Variants in WASF1 observed in about 807,000 individuals in gnomAD.
WASF1 encodes the protein WASP family member 1.
A neutral mutation model predicts 50.5 loss-of-function variants in WASF1; 7 were observed. The ratio of observed to expected loss-of-function variants is 0.14; its 90% CI spans 0.08 to 0.26. The LOEUF is 0.26. Among genes scored for constraint, WASF1 ranks in the 10% least tolerant of loss-of-function variants. The pLI is 1.00. For synonymous variants in WASF1, 205 were observed against 244.0 expected (o/e 0.84, Z 1.49); for missense variants, 470 against 694.7 (o/e 0.68, Z 3.64).
chr6:110,122,726 C>A (rs1366293477), intron 4 of WASF1, among the ~76,000 whole-genome samples: 1 of 151,934 alleles, frequency 6.6e-6, no homozygotes, highest in Admixed American at 6.6e-5. Flanking sequence ...ATACAGTATA[C>A]TACTACACAT....
chr6:110,170,034 A>G (rs1013484825), intron 2 of WASF1, among the ~76,000 whole-genome samples: 7 of 152,170 alleles, frequency 4.6e-5, no homozygotes, highest in African/African-American at 1.7e-4. Flanking sequence ...CTTTACCTAT[A>G]GAGGGACAAG....
chr6:110,124,290 A>C (rs1343460086), intron 4 of WASF1, among the ~76,000 whole-genome samples: 15 of 101,738 alleles, frequency 1.5e-4, no homozygotes, highest in South Asian at 6.8e-4. Flanking sequence ...ATATATATAT[A>C]TATATATATA....
intron 3 of WASF1, among the ~76,000 whole-genome samples, chr6:110,157,604 C>T (rs772847796): frequency 0.011 from 259 of 23,710 alleles, 1 homozygote; most frequent in Middle Eastern, 0.012. Context: ...TGAATAGGAG[C>T]GGTGAGAGAG....
intron 2 of WASF1, among the ~76,000 whole-genome samples, chr6:110,170,468 C>T (rs1156382863): frequency 6.6e-6 from 1 of 152,100 alleles, no homozygotes; most frequent in Non-Finnish European, 1.5e-5. Flanking sequence ...AAGTGATTGG[C>T]CTGACTCAGC....
chr6:110,117,549 A>C (rs1484365036), intron 4 of WASF1, among the ~76,000 whole-genome samples: 3 of 152,234 alleles, frequency 2.0e-5, no homozygotes, highest in Non-Finnish European at 2.9e-5. Flanking sequence ...GGTGTACCAG[A>C]AAGTGATGGG....
chr6:110,134,942 T>C lies in WASF1; in HGVS notation c.-28-7313A>G, dbSNP rs569838833. ...GTATTTTGATGGAAATTGCATTTTGTAGATTGCTTTTGGCAGTATGGTCAT... is the reference window on the plus strand; with the variant it reads ...GTATTTTGATGGAAATTGCATTTTGCAGATTGCTTTTGGCAGTATGGTCAT... On this transcript the variant is annotated intron_variant, in intron 3 of 10. Coordinates refer to ENST00000392589, the MANE Select transcript of WASF1 (RefSeq NM_003931.3). Among the ~76,000 whole-genome samples, 3 of 152,308 alleles carry C rather than the reference T, an allele frequency of 2.0e-5. No homozygotes were observed. In the East Asian group the frequency reaches 5.8e-4, roughly 29 times the overall value.
At chr6:110,128,578 G>C (rs76731695) in intron 3 of WASF1, among the ~76,000 whole-genome samples, 11,122 of 152,216 alleles carry the variant, frequency 0.073, 550 homozygotes, top group African/African-American at 0.14. Flanking sequence ...TGCATGCTTC[G>C]CATATGCACA....
chr6:110,140,922 A>C (rs974389025), intron 3 of WASF1, among the ~76,000 whole-genome samples: 1 of 152,242 alleles, frequency 6.6e-6, no homozygotes, highest in Non-Finnish European at 1.5e-5. Flanking sequence ...ACCAATGAGA[A>C]GGAAGCATAT....
chr6:110,135,721 CTTTTTTTTTTT>C (rs139834112), intron 3 of WASF1, among the ~76,000 whole-genome samples: 6 of 73,518 alleles, frequency 8.2e-5, no homozygotes, highest in Admixed American at 1.5e-4. Context: ...GGAAGATTAT[CTTTTTTTTTTT>C]TTTTTTTTTT....
At position 110,178,196 on chromosome 6, in the gene WASF1, T is replaced by C. The variant is rs549750313; in HGVS notation, c.-127+402A>G. The stretch of plus-strand genomic sequence containing the variant: ...AAGGCAACGATTAGTAATGACATAT[T>C]CTGCTACCGAAAAACAAATACAAAA... On this transcript the variant is annotated intron_variant, in intron 2 of 10. Transcript: ENST00000392589. 9.8e-5 allele frequency among the ~76,000 whole-genome samples: 15 copies of C among 152,286 alleles called. No homozygotes were observed. In the East Asian group the frequency reaches 2.9e-3, roughly 29 times the overall value.
chr6:110,135,365 T>C (rs1196748984), intron 3 of WASF1, among the ~76,000 whole-genome samples: 1 of 152,178 alleles, frequency 6.6e-6, no homozygotes, highest in African/African-American at 2.4e-5. Context: ...TTCTTTTTCG[T>C]TGGATTGCTC....
chr6:110,110,191 C>A (rs1053460583), intron 5 of WASF1, among the ~76,000 whole-genome samples: 2 of 152,130 alleles, frequency 1.3e-5, no homozygotes, highest in African/African-American at 4.8e-5. Flanking sequence ...TTCAGTAAGA[C>A]AGGAATTATT....
intron 4 of WASF1, among the ~76,000 whole-genome samples, chr6:110,124,247 T>TCCTTCCTCTCTCTCC (rs1562170342): frequency 6.9e-5 from 3 of 43,762 alleles, no homozygotes; most frequent in Non-Finnish European, 1.2e-4. Context: ...TCTCTCTCTC[T>TCCTTCCTCTCTCTCC]CTCTCTCTCT....
At chr6:110,117,409 T>C (rs1261239196) in intron 4 of WASF1, among the ~76,000 whole-genome samples, 1 of 151,976 alleles carries the variant, frequency 6.6e-6, no homozygotes, top group Non-Finnish European at 1.5e-5. Flanking sequence ...AGAAAGAATA[T>C]CAGTGATTGA....
chr6:110,154,270 G>C (rs1775958238), intron 3 of WASF1, among the ~76,000 whole-genome samples: 1 of 151,998 alleles, frequency 6.6e-6, no homozygotes, highest in Admixed American at 6.6e-5. Context: ...ACAACGATGT[G>C]AATGAACACT....
intron 3 of WASF1, among the ~76,000 whole-genome samples, chr6:110,129,311 AC>A (rs1425908119): frequency 1.3e-5 from 2 of 152,216 alleles, no homozygotes; most frequent in South Asian, 2.1e-4. Flanking sequence ...AAACAAAAAA[AC>A]AAACAAAAAA....
At chr6:110,136,994 G>A (rs553229790) in intron 3 of WASF1, among the ~76,000 whole-genome samples, 1 of 152,186 alleles carries the variant, frequency 6.6e-6, no homozygotes, top group South Asian at 2.1e-4. Context: ...GTATCTTCAT[G>A]ATTGATTTCT....
At chr6:110,117,690 C>G (rs1236113253) in intron 4 of WASF1, among the ~76,000 whole-genome samples, 2 of 152,026 alleles carry the variant, frequency 1.3e-5, no homozygotes, top group Non-Finnish European at 2.9e-5. Flanking sequence ...TCAAGAAGAG[C>G]AACCCCAAGA....
intron 3 of WASF1, among the ~76,000 whole-genome samples, chr6:110,132,138 T>G (rs1189483325): frequency 6.6e-6 from 1 of 152,164 alleles, no homozygotes; most frequent in African/African-American, 2.4e-5. Flanking sequence ...GTAGATGTTT[T>G]TATAATACTG....
Sources: allele counts gnomAD v4.1 joint callset (sites outside exome capture counted in the v4.1 genomes callset), GRCh38; gene constraint gnomAD v4.1.1; transcripts MANE v1.5; gene names NCBI Gene and HGNC (gene_info 2026-07-23, HGNC 2026-07-21).